The following PRKCB variants were observed in gnomAD, a reference collection of about 807,000 sequenced individuals.
The protein encoded by PRKCB is protein kinase C beta type.
PRKCB carries 13 observed loss-of-function variants against 81.5 expected under a neutral mutation model. The ratio of observed to expected loss-of-function variants is 0.16; its 90% CI spans 0.10 to 0.25. PRKCB has a LOEUF of 0.25. PRKCB is among the 10% of genes least tolerant of loss of function. The pLI is 1.00. For missense variants in PRKCB, 509 were observed against 875.7 expected, an observed-to-expected ratio of 0.58 and a Z score of 5.29; for synonymous variants, 335 against 321.4, an observed-to-expected ratio of 1.04 and a Z score of -0.45.
chr16:23,931,826 A>G (rs1191039239), intron 2 of PRKCB, among the ~76,000 whole-genome samples: 1 of 152,168 alleles, frequency 6.6e-6, no homozygotes, highest in East Asian at 1.9e-4. Context: ...CATTTCCTTA[A>G]CAATGATCAA....
chr16:23,872,608 T>C (rs1962922908), intron 2 of PRKCB, among the ~76,000 whole-genome samples: 1 of 152,198 alleles, frequency 6.6e-6, no homozygotes, highest in African/African-American at 2.4e-5. Flanking sequence ...GCTCTGCCAC[T>C]TCCTAGTTGG....
chr16:24,174,466 C>A, intron 11 of PRKCB, 52 bp from the exon 12 acceptor site: 1 of 1,503,628 alleles, frequency 6.7e-7, no homozygotes, highest in Non-Finnish European at 9.2e-7. Context: ...CATTGCCAAG[C>A]ATATGGTGTC....
At chr16:24,176,588 C>G (rs1967534778) in intron 12 of PRKCB, among the ~76,000 whole-genome samples, 1 of 152,072 alleles carries the variant, frequency 6.6e-6, no homozygotes, top group Non-Finnish European at 1.5e-5. Flanking sequence ...GAATATTATT[C>G]TGGTTTTGAA....
At chr16:23,862,685 C>T (rs977789702) in intron 2 of PRKCB, among the ~76,000 whole-genome samples, 9 of 152,146 alleles carry the variant, frequency 5.9e-5, no homozygotes, top group Non-Finnish European at 1.3e-4. Flanking sequence ...AAACGAGACT[C>T]TTTTCTGTCT....
chr16:24,087,413 C>T (rs896230762), intron 5 of PRKCB, among the ~76,000 whole-genome samples: 1 of 152,170 alleles, frequency 6.6e-6, no homozygotes, highest in Admixed American at 6.5e-5. Flanking sequence ...TTACTGTTTC[C>T]CCCATTGGTG....
intron 3 of PRKCB, among the ~76,000 whole-genome samples, chr16:24,025,048 G>A (rs1965457689): frequency 6.6e-6 from 1 of 152,116 alleles, no homozygotes; most frequent in Admixed American, 6.5e-5. Context: ...CGGAGGGAGG[G>A]GAATGAGGTC....
At chr16:24,057,764 A>G (rs1278880230) in intron 5 of PRKCB, among the ~76,000 whole-genome samples, 1 of 152,048 alleles carries the variant, frequency 6.6e-6, no homozygotes, top group African/African-American at 2.4e-5. Context: ...TCTAACGCTT[A>G]TTGATGGCTT....
At chr16:23,853,645 T>C (rs2141084382) in intron 2 of PRKCB, among the ~76,000 whole-genome samples, 1 of 152,334 alleles carries the variant, frequency 6.6e-6, no homozygotes, top group South Asian at 2.1e-4. Context: ...CTGGTAAAAC[T>C]AAGATGCAAA....
At position 24,011,948 on chromosome 16, in the gene PRKCB, C is replaced by A. The variant is rs142278276; in HGVS notation, c.289-20188C>A. Among the ~76,000 whole-genome samples the A allele has an allele frequency of 8.3e-3, 1,260 of 152,266 alleles. 47 individuals carry two copies. Among genetic ancestry groups the A allele is most frequent in the Admixed American group, 0.057 (877 of 15,300 alleles). On this transcript the variant is annotated intron_variant, in intron 3 of 16. Coordinates refer to ENST00000643927, the MANE Select transcript of PRKCB (RefSeq NM_002738.7). The stretch of plus-strand genomic sequence containing the variant: ...GCATATCATAGAAATGTTTGCTTGA[C>A]CCAGAGGCCTGAACCTGCTTTGCCT...
intron 2 of PRKCB, among the ~76,000 whole-genome samples, chr16:23,890,177 T>C (rs1963270706): frequency 6.6e-6 from 1 of 152,220 alleles, no homozygotes; most frequent in Non-Finnish European, 1.5e-5. Flanking sequence ...CTGAGGCAGC[T>C]AATATTTAAG....
At chr16:23,880,588 G>A (rs11644474) in intron 2 of PRKCB, among the ~76,000 whole-genome samples, 6,350 of 151,958 alleles carry the variant, frequency 0.042, 177 homozygotes, top group South Asian at 0.087. Flanking sequence ...TTTGTTACTG[G>A]GGGTTCTTTC....
At chr16:23,840,801 G>C (rs1962250700) in intron 2 of PRKCB, among the ~76,000 whole-genome samples, 1 of 152,204 alleles carries the variant, frequency 6.6e-6, no homozygotes, top group Admixed American at 6.5e-5. Flanking sequence ...ATGGATTTCT[G>C]TGTGCTCAGG....
chr16:24,131,311 G>A (rs1169129414), intron 9 of PRKCB, among the ~76,000 whole-genome samples: 1 of 152,172 alleles, frequency 6.6e-6, no homozygotes, highest in African/African-American at 2.4e-5. Flanking sequence ...CCCATCTAGT[G>A]CTTGACTTCC....
At chr16:24,002,203 A>G (rs7192816) in intron 3 of PRKCB, among the ~76,000 whole-genome samples, 103,571 of 151,964 alleles carry the variant, frequency 0.68, 36,363 homozygotes, top group African/African-American at 0.85. Flanking sequence ...CGATCTGGGC[A>G]TTTCATTTTT....
intron 2 of PRKCB, among the ~76,000 whole-genome samples, chr16:23,987,660 C>A (rs1302616369): frequency 1.3e-5 from 2 of 152,098 alleles, no homozygotes. Flanking sequence ...GTTTCCTGTT[C>A]TATTTTCATT....
chr16:24,142,786 A>G (rs1966921946), intron 9 of PRKCB, among the ~76,000 whole-genome samples: 1 of 152,170 alleles, frequency 6.6e-6, no homozygotes, highest in Non-Finnish European at 1.5e-5. Context: ...GGGACTGGGA[A>G]GAATCCATGC....
At chr16:24,034,716 T>C (rs1965591776) in intron 4 of PRKCB, among the ~76,000 whole-genome samples, 1 of 152,178 alleles carries the variant, frequency 6.6e-6, no homozygotes, top group Non-Finnish European at 1.5e-5. Flanking sequence ...TGCCCCATCC[T>C]GCATAATTGC....
chr16:23,943,168 C>T (rs545447006), intron 2 of PRKCB, among the ~76,000 whole-genome samples: 10 of 152,292 alleles, frequency 6.6e-5, no homozygotes, highest in Non-Finnish European at 2.9e-5. Context: ...TCTGAAGCTT[C>T]GGAGTGTTCT....
intron 2 of PRKCB, among the ~76,000 whole-genome samples, chr16:23,860,016 T>C (rs1023097702): frequency 1.3e-5 from 2 of 152,110 alleles, no homozygotes; most frequent in African/African-American, 4.8e-5. Context: ...TGAGGCCAGT[T>C]GAGAAATCTT....
Sources: allele counts gnomAD v4.1 joint callset (sites outside exome capture counted in the v4.1 genomes callset), GRCh38; gene constraint gnomAD v4.1.1; transcripts MANE v1.5; gene names NCBI Gene and HGNC (gene_info 2026-07-23, HGNC 2026-07-21).